CNGB3: variants seen among roughly 807,000 people sequenced by gnomAD.
CNGB3 encodes the protein cyclic nucleotide gated channel subunit beta 3.
In CNGB3, 86 loss-of-function variants were observed where a neutral mutation model predicts 92.8. The observed-to-expected ratio is 0.93, with a 90% CI of 0.78 to 1.11. The LOEUF is 1.11. CNGB3 is among the 50% of genes least tolerant of loss of function. CNGB3 has a pLI of 0.00. For missense variants in CNGB3, 1,026 were observed against 956.8 expected (o/e 1.07, Z -0.95); for synonymous variants, 333 against 332.7 (o/e 1.00, Z -0.01).
At chr8:86,720,502 G>A (rs1824946024) in intron 3 of CNGB3, among the ~76,000 whole-genome samples, 1 of 151,940 alleles carries the variant, frequency 6.6e-6, no homozygotes. Flanking sequence ...AAAAATAATA[G>A]ATGTTGGCAT....
At chr8:86,616,017 G>A (rs10093247) in intron 13 of CNGB3, among the ~76,000 whole-genome samples, 20,482 of 152,114 alleles carry the variant, frequency 0.13, 1,780 homozygotes, top group East Asian at 0.32. Flanking sequence ...AGCAGTGAAG[G>A]AAGTCGGATC....
At chr8:86,648,232 G>A (rs796499822) in intron 7 of CNGB3, among the ~76,000 whole-genome samples, 4 of 151,146 alleles carry the variant, frequency 2.6e-5, no homozygotes, top group African/African-American at 7.2e-5. Flanking sequence ...GGGGCTCTTC[G>A]ACTAAAAATC....
At chr8:86,578,474 G>A (rs543057299) in intron 17 of CNGB3, among the ~76,000 whole-genome samples, 1 of 152,226 alleles carries the variant, frequency 6.6e-6, no homozygotes, top group East Asian at 1.9e-4. Context: ...GCATATTAAA[G>A]CCATCTATAA....
At chr8:86,676,480 A>T (rs2094752328) in intron 3 of CNGB3, among the ~76,000 whole-genome samples, 1 of 152,192 alleles carries the variant, frequency 6.6e-6, no homozygotes, top group African/African-American at 2.4e-5. Flanking sequence ...GTTGAGGTTG[A>T]TGGGGAACCA....
intron 3 of CNGB3, among the ~76,000 whole-genome samples, chr8:86,673,399 T>C (rs910327572): frequency 2.0e-5 from 3 of 152,030 alleles, no homozygotes; most frequent in Non-Finnish European, 4.4e-5. Flanking sequence ...TTTGGTGTGA[T>C]TGGAACAGAG....
intron 3 of CNGB3, among the ~76,000 whole-genome samples, chr8:86,716,334 G>A (rs1824852626): frequency 6.6e-6 from 1 of 152,200 alleles, no homozygotes; most frequent in South Asian, 2.1e-4. Context: ...CCCTGGCCTT[G>A]CCAGAGATCC....
At chr8:86,683,768 G>A (rs1563753203) in intron 3 of CNGB3, among the ~76,000 whole-genome samples, 2 of 152,102 alleles carry the variant, frequency 1.3e-5, no homozygotes, top group Admixed American at 1.3e-4. Flanking sequence ...AATGGTGCTG[G>A]AGCAACTGGA....
At chr8:86,658,106 C>T in intron 6 of CNGB3, 1 of 528,296 alleles carries the variant, frequency 1.9e-6, no homozygotes, top group African/African-American at 2.0e-5. Context: ...TCCCCACACA[C>T]AGAATCGCCT....
intron 3 of CNGB3, among the ~76,000 whole-genome samples, chr8:86,673,960 T>C (rs1823915766): frequency 6.6e-6 from 1 of 152,224 alleles, no homozygotes; most frequent in Non-Finnish European, 1.5e-5. Flanking sequence ...AACACCATCA[T>C]AGACTGTAAG....
At position 86,604,417 on chromosome 8, in the gene CNGB3, T is replaced by C. The variant is rs573565824; in HGVS notation, c.1663-206A>G. On this transcript the variant is annotated intron_variant, in intron 14 of 17. Coordinates refer to ENST00000320005, the MANE Select transcript of CNGB3 (RefSeq NM_019098.5). The stretch of plus-strand genomic sequence containing the variant: ...TGAAAGAAAATGATTAGGAAGATGA[T>C]ACTTCTCAACACGTGAGTACTGTTT... Among the ~76,000 whole-genome samples the C allele has an allele frequency of 2.6e-5, 4 of 152,342 alleles. 1 individual carries two copies. The Middle Eastern group carries it at 0.014, about 518-fold the overall frequency.
At chr8:86,576,568 T>C (rs1821666102) in intron 17 of CNGB3, among the ~76,000 whole-genome samples, 1 of 152,206 alleles carries the variant, frequency 6.6e-6, no homozygotes, top group Non-Finnish European at 1.5e-5. Flanking sequence ...CCTAAGCTTG[T>C]GGGAGAACCT....
At chr8:86,660,268 T>C in intron 6 of CNGB3, 1 of 313,514 alleles carries the variant, frequency 3.2e-6, no homozygotes, top group Non-Finnish European at 6.3e-6. Flanking sequence ...GCCAATTTGC[T>C]CTGTAGGGTT....
At position 86,717,092 on chromosome 8, in the gene CNGB3, T is replaced by C. The variant is rs535209550; in HGVS notation, c.338+9439A>G. 2.6e-5 allele frequency among the ~76,000 whole-genome samples: 4 copies of C among 152,016 alleles called. No homozygotes were observed. In the South Asian group the frequency reaches 8.3e-4, roughly 32 times the overall value. The stretch of plus-strand genomic sequence containing the variant: ...TATTCTTATATCAGACAAAACAAAC[T>C]AAAGCAACAGCAGTTAAAAAAGACA... On this transcript the variant is annotated intron_variant, in intron 3 of 17. Coordinates refer to ENST00000320005, the MANE Select transcript of CNGB3 (RefSeq NM_019098.5).
At chr8:86,658,633 T>C (rs1207848550) in intron 6 of CNGB3, 2 of 341,320 alleles carry the variant, frequency 5.9e-6, no homozygotes, top group South Asian at 6.4e-5. Context: ...TGCTGTAGAC[T>C]CTGAGCCTCT....
intron 2 of CNGB3, among the ~76,000 whole-genome samples, chr8:86,732,316 G>A (rs2131676988): frequency 6.6e-6 from 1 of 152,294 alleles, no homozygotes; most frequent in Middle Eastern, 3.4e-3. Flanking sequence ...AGGGTGGCCT[G>A]TCCACAGCTG....
chr8:86,696,945 A>G (rs1362084742), intron 3 of CNGB3, among the ~76,000 whole-genome samples: 1 of 152,202 alleles, frequency 6.6e-6, no homozygotes, highest in Admixed American at 6.5e-5. Flanking sequence ...TGCAACCCTC[A>G]TGATAAGCTC....
rs1585955658 is a variant in CNGB3, at chr8:86,593,654, C to A, written c.1781+10439G>T. 7.3e-6 allele frequency: 4 copies of A among 549,372 alleles called. No homozygotes were observed. The East Asian group carries it at 1.5e-4, about 21-fold the overall frequency. The allele number at this position is 549,372 out of a possible 1,614,324, so 34.0% of individuals were successfully genotyped here. A position where few individuals can be genotyped will look rare whatever the true frequency, so the allele number is the denominator to read the frequency against. On this transcript the variant is annotated intron_variant, in intron 15 of 17. Coordinates refer to ENST00000320005, the MANE Select transcript of CNGB3 (RefSeq NM_019098.5). The stretch of plus-strand genomic sequence containing the variant: ...GAGTGGGGTTCCCCACTGAGGTGGA[C>A]CCTAATGGTGTCTGTCTGCCCACAG...
At chr8:86,647,642 T>A (rs962983648) in intron 8 of CNGB3, among the ~76,000 whole-genome samples, 159 bp downstream of exon 8, 1 of 150,850 alleles carries the variant, frequency 6.6e-6, no homozygotes, top group Non-Finnish European at 1.5e-5. Context: ...TTAAAAAAAA[T>A]TATAGCATTG....
At chr8:86,694,115 C>A (rs531891942) in intron 3 of CNGB3, among the ~76,000 whole-genome samples, 1 of 104,620 alleles carries the variant, frequency 9.6e-6, no homozygotes, top group Admixed American at 9.7e-5. Flanking sequence ...GGCGGCTGGC[C>A]GGGCGGGGGG....
Sources: gnomAD v4.1 joint callset for allele counts (sites outside exome capture counted in the v4.1 genomes callset) on GRCh38, gnomAD v4.1.1 for gene constraint, MANE v1.5 for transcripts, NCBI Gene and HGNC (gene_info 2026-07-23, HGNC 2026-07-21) for gene names.